Variants in PEG3 observed in about 807,000 individuals in gnomAD.
PEG3 encodes the protein paternally-expressed gene 3 protein.
Under a neutral mutation model 35.5 loss-of-function variants are expected in PEG3, and 23 were observed. The observed-to-expected ratio is 0.65, with a 90% confidence interval of 0.47 to 0.92. The LOEUF (loss-of-function observed/expected upper bound fraction) is 0.92. PEG3 is among the 40% of genes least tolerant of loss of function. The pLI, the probability that PEG3 is intolerant of heterozygous loss-of-function variation, is 0.00. For missense variants in PEG3, 1,960 were observed against 1,985.3 expected, an observed-to-expected ratio of 0.99 and a Z score of 0.24; for synonymous variants, 707 against 697.0, an observed-to-expected ratio of 1.01 and a Z score of -0.23.
chr19:56,837,943 G>A (rs926217979), intron 1 of PEG3, among the ~76,000 whole-genome samples: 10 of 152,180 alleles, frequency 6.6e-5, no homozygotes, highest in Non-Finnish European at 1.3e-4. Context: ...ATTGAATGCC[G>A]GCTGCTCTAT....
At position 56,816,862 on chromosome 19, in the gene PEG3, T is replaced by G; in HGVS notation, c.1580A>C (p.His527Pro). The change falls in exon 10 of 10, where the codon CAT becomes CCT. Residue 527 changes from histidine to proline, a missense_variant. Physicochemically the swap from His to Pro is moderately conservative, Grantham distance 77 (BLOSUM62 -2). This residue lies in a region of PEG3 where 798 missense variants were observed against 782.4 expected (regional missense o/e 1.02). Coordinates refer to ENST00000326441, the MANE Select transcript of PEG3 (RefSeq NM_006210.3). ...ACATTCCACAAGATAACCTCTAGCATGAATCTTCCGATGTTCAGCCAAGGC... is the reference window on the plus strand; with the variant it reads ...ACATTCCACAAGATAACCTCTAGCAGGAATCTTCCGATGTTCAGCCAAGGC... ...SAALAEHRKI[H>P]ARGYLVECKN... is the part of the protein sequence containing the mutation. The G allele has an allele frequency of 6.2e-7, 1 of 1,614,164 alleles. No homozygotes were observed. The highest frequency in any genetic ancestry group is 8.5e-7 in the Non-Finnish European group (1 of 1,179,994).
Position 56,817,511 on chromosome 19 carries a change from G to C in PEG3, c.931C>G (p.His311Asp). The part of the protein sequence containing the change: ...RRGICEDESS[H>D]GVIMEKFIKD... ...ATGAATTTTTCCATTATCACTCCGTGGGAAGATTCATCTTCACAAATCCCC... is the reference window on the plus strand; with the variant it reads ...ATGAATTTTTCCATTATCACTCCGTCGGAAGATTCATCTTCACAAATCCCC... Residue 311 changes from histidine (H) to aspartate (D), a missense_variant, in exon 10 of 10, where the codon CAC becomes GAC. Physicochemically the swap from His to Asp is moderately conservative, Grantham distance 81. Transcript: ENST00000326441. 1 of 1,609,544 alleles carries C rather than the reference G, an allele frequency of 6.2e-7. No homozygotes were observed. Among genetic ancestry groups the C allele is most frequent in the Non-Finnish European group, 8.5e-7 (1 of 1,177,258 alleles).
chr19:56,823,669 G>T lies in PEG3; in HGVS notation c.405C>A (p.Asn135Lys), dbSNP rs996432771. 2 of 1,613,910 alleles carry T rather than the reference G, an allele frequency of 1.2e-6. No individual in the cohort carries two copies. The highest frequency in any genetic ancestry group is 2.7e-5 in the African/African-American group (2 of 74,894). ...KEMYQPEDDNNSDVTSDDDMT... is the reference protein window; with the variant it reads ...KEMYQPEDDNKSDVTSDDDMT... ...TGTCGTCGTCGCTGGTCACGTCACT[G>T]TTGTTGTCGTCTAAGAGGACACCGG... The change falls in exon 5 of 10, where the codon AAC becomes AAA. Residue 135 changes from asparagine to lysine, a missense_variant. Physicochemically the swap from Asn to Lys is moderately conservative, Grantham distance 94. Transcript: ENST00000326441.
At position 56,840,663 on chromosome 19, in the gene PEG3, A is replaced by C. The variant is rs1685209674; in HGVS notation, c.-331T>G. On this transcript the variant is annotated 5_prime_UTR_variant, in exon 1 of 10. Coordinates refer to ENST00000326441, the MANE Select transcript of PEG3 (RefSeq NM_006210.3). The stretch of plus-strand genomic sequence containing the variant: ...GCGCCCGGCGCCCGGCGGCGCCACC[A>C]GCCCAGGGTGGACATCTCCCGCGCC... 1 of 152,942 alleles carries C rather than the reference A, an allele frequency of 6.5e-6. No homozygotes were observed. The allele number at this position is 152,942 out of a possible 1,614,324, so 9.5% of individuals were successfully genotyped here.
intron 2 of PEG3, 49 bp downstream of exon 2, chr19:56,835,969 G>A: frequency 2.0e-6 from 1 of 495,582 alleles, no homozygotes; most frequent in Admixed American, 2.1e-5. Flanking sequence ...GAAGTGCGGT[G>A]GTCACTCCAA....
intron 2 of PEG3, among the ~76,000 whole-genome samples, chr19:56,832,547 C>A (rs1263010003): frequency 6.6e-6 from 1 of 152,254 alleles, no homozygotes; most frequent in African/African-American, 2.4e-5. Flanking sequence ...GCTTCCATAT[C>A]TCCCTCTGCT....
chr19:56,824,177 G>C, intron 4 of PEG3, 85 bp downstream of exon 4: 2 of 1,550,782 alleles, frequency 1.3e-6, no homozygotes, highest in South Asian at 2.5e-5. Context: ...ATCCAGTCCA[G>C]ACCATGTCAG....
Position 56,813,425 on chromosome 19 carries a change from T to A in PEG3, c.*250A>T, listed in dbSNP as rs2059679348. 1 of 1,300,258 alleles carries A rather than the reference T, an allele frequency of 7.7e-7. No homozygotes were observed. Among genetic ancestry groups the A allele is most frequent in the Non-Finnish European group, 9.8e-7 (1 of 1,024,030 alleles). 80.5% of individuals were successfully genotyped at this position (1,300,258 alleles called of 1,614,324 possible). A position where few individuals can be genotyped will look rare whatever the true frequency, so the allele number is the denominator to read the frequency against. ...ACTCATAGGGTTTTCTCAATCTGAT[T>A]ACTTGGAAAGGTAAGATGTGTGCTA... On this transcript the variant is annotated 3_prime_UTR_variant, in exon 10 of 10. Coordinates refer to ENST00000326441, the MANE Select transcript of PEG3 (RefSeq NM_006210.3).
Position 56,812,113 on chromosome 19 carries a change from CT to C in PEG3, c.*1561del, listed in dbSNP as rs752513979. ...TGATCTACACTTACATTTTGCAAAT[CT>C]TTTTTTTTAAATTTTTTAAATTTTA... is the stretch of plus-strand genomic sequence containing the variant. On this transcript the variant is annotated 3_prime_UTR_variant, in exon 10 of 10. Coordinates refer to ENST00000326441, the MANE Select transcript of PEG3 (RefSeq NM_006210.3). 40 of 968,480 alleles carry C rather than the reference CT, an allele frequency of 4.1e-5. No individual in the cohort carries two copies. Among genetic ancestry groups the C allele is most frequent in the South Asian group, 4.8e-5 (1 of 20,902 alleles). 60.0% of individuals were successfully genotyped at this position (968,480 alleles called of 1,614,324 possible). A position where few individuals can be genotyped will look rare whatever the true frequency, so the allele number is the denominator to read the frequency against.
chr19:56,822,941 A>T, intron 5 of PEG3, 105 bp from the exon 6 acceptor site: 1 of 1,450,820 alleles, frequency 6.9e-7, no homozygotes, highest in Non-Finnish European at 9.4e-7. Flanking sequence ...CCCTCTTCCC[A>T]CAAGGAGATG....
rs1349827702 is a variant in PEG3 at position 56,818,706 on chromosome 19, A to G, written c.670-4T>C. 6.2e-7 allele frequency: 1 copy of G among 1,614,104 alleles called. No homozygotes were observed. Among genetic ancestry groups the G allele is most frequent in the Non-Finnish European group, 8.5e-7 (1 of 1,179,994 alleles). On this transcript the variant is annotated splice_polypyrimidine_tract_variant and splice_region_variant and intron_variant, in intron 7 of 9. Transcript: ENST00000326441. ...CATTTTGGTATGATTCAGCATCCTAAAACAGCAAACACAGACCTCTCAATG... is the reference window on the plus strand; with the variant it reads ...CATTTTGGTATGATTCAGCATCCTAGAACAGCAAACACAGACCTCTCAATG...
intron 2 of PEG3, chr19:56,833,393 C>T: frequency 8.7e-6 from 3 of 345,494 alleles, no homozygotes; most frequent in Middle Eastern, 1.1e-3. Context: ...CGTCTCTCTT[C>T]TTGTTTGCTC....
intron 8 of PEG3, among the ~76,000 whole-genome samples, chr19:56,818,212 G>C (rs956924003): frequency 6.6e-6 from 1 of 152,134 alleles, no homozygotes; most frequent in Admixed American, 6.5e-5. Context: ...TGGCCTTACA[G>C]ACCTGCAGCA....
intron 7 of PEG3, 74 bp from the exon 8 acceptor site, chr19:56,818,776 C>T: frequency 9.2e-6 from 14 of 1,527,452 alleles, no homozygotes; most frequent in Non-Finnish European, 1.3e-5. Context: ...ATGTTGGCAA[C>T]ATGGGAGTTA....
intron 1 of PEG3, among the ~76,000 whole-genome samples, chr19:56,838,300 G>A (rs1165598201): frequency 2.0e-5 from 3 of 152,138 alleles, no homozygotes; most frequent in African/African-American, 4.8e-5. Flanking sequence ...CCTCATGCCC[G>A]CCCCTGGGGC....
chr19:56,834,797 T>A (rs1335033328), intron 2 of PEG3, among the ~76,000 whole-genome samples: 1 of 152,176 alleles, frequency 6.6e-6, no homozygotes, highest in Non-Finnish European at 1.5e-5. Flanking sequence ...CATAGCCACC[T>A]ATCTTGGTAA....
Position 56,811,179 on chromosome 19 carries a change from T to C in PEG3, c.*2496A>G. ...TATGTTCACAATGAAAATGTGATCA[T>C]AAACTTTTTAGTAACACTACCATAA... On this transcript the variant is annotated 3_prime_UTR_variant, in exon 10 of 10. Transcript: ENST00000326441. 1.0e-6 allele frequency: 1 copy of C among 976,182 alleles called. No homozygotes were observed. Among genetic ancestry groups the C allele is most frequent in the Non-Finnish European group, 1.2e-6 (1 of 821,510 alleles). 60.5% of individuals were successfully genotyped at this position (976,182 alleles called of 1,614,324 possible). A position where few individuals can be genotyped will look rare whatever the true frequency, so the allele number is the denominator to read the frequency against.
intron 1 of PEG3, among the ~76,000 whole-genome samples, chr19:56,836,340 C>T (rs1001500108): frequency 1.3e-5 from 2 of 152,146 alleles, no homozygotes; most frequent in African/African-American, 4.8e-5. Flanking sequence ...CAAAGGCATT[C>T]AAGTCAATTT....
At chr19:56,838,713 C>T (rs989776900) in intron 1 of PEG3, among the ~76,000 whole-genome samples, 2 of 152,218 alleles carry the variant, frequency 1.3e-5, no homozygotes, top group Non-Finnish European at 2.9e-5. Context: ...GCACGTCTCC[C>T]GGCTCCCCCA....
Sources: allele counts gnomAD v4.1 joint callset (sites outside exome capture counted in the v4.1 genomes callset), GRCh38; gene constraint gnomAD v4.1.1; regional missense constraint gnomAD v4.1.1; transcripts MANE v1.5; gene names NCBI Gene and HGNC (gene_info 2026-07-23, HGNC 2026-07-21).